Variants in TNC observed in about 807,000 individuals in gnomAD.
TNC encodes the protein tenascin.
In TNC, 109 loss-of-function variants were observed where a neutral mutation model predicts 202.4. That is an observed-to-expected ratio of 0.54 (90% CI 0.46 to 0.63). The LOEUF is 0.63. TNC is among the 30% of genes least tolerant of loss of function. TNC has a pLI of 0.00. For synonymous variants in TNC, 1,007 were observed against 1,089.7 expected (o/e 0.92, Z 1.50); for missense variants, 2,756 against 2,833.3 (o/e 0.97, Z 0.62).
At chr9:115,071,485 C>A (rs1479725505) in intron 10 of TNC, among the ~76,000 whole-genome samples, 1 of 152,182 alleles carries the variant, frequency 6.6e-6, no homozygotes, top group Non-Finnish European at 1.5e-5. Context: ...CTGGTTATAG[C>A]CACATTACCT....
rs1834517862 is a variant in TNC at position 115,084,085 on chromosome 9, A to C, written c.2131+124T>G. 3.8e-6 allele frequency: 4 copies of C among 1,043,712 alleles called. No individual in the cohort carries two copies. In the South Asian group the frequency reaches 6.3e-5, roughly 16 times the overall value. The allele number at this position is 1,043,712 out of a possible 1,614,324, so 64.7% of individuals were successfully genotyped here. ...TAAGTGATTCTATGGACTTAATTCT[A>C]GGCTCTTATTTGGTATAACTGTAAA... is the stretch of plus-strand genomic sequence containing the variant. On this transcript the variant is annotated intron_variant, in intron 4 of 27. Transcript: ENST00000350763.
rs530184593 is a variant in TNC at position 115,082,885 on chromosome 9, C to A, written c.2132-78G>T. Reference sequence around the variant, plus strand: ...GCAACGCGGCCACGATTCCACTAAACCAGACTGGATGTCTGCAACAGTCAG... The same window carrying A: ...GCAACGCGGCCACGATTCCACTAAAACAGACTGGATGTCTGCAACAGTCAG... On this transcript the variant is annotated intron_variant, in intron 4 of 27. Transcript: ENST00000350763. 7.2e-6 allele frequency: 7 copies of A among 966,582 alleles called. No homozygotes were observed. In the South Asian group the frequency reaches 9.6e-5, roughly 13 times the overall value. 59.9% of individuals were successfully genotyped at this position (966,582 alleles called of 1,614,324 possible). A position where few individuals can be genotyped will look rare whatever the true frequency, so the allele number is the denominator to read the frequency against.
chr9:115,083,187 G>A (rs1834436667), intron 4 of TNC, among the ~76,000 whole-genome samples: 1 of 152,106 alleles, frequency 6.6e-6, no homozygotes, highest in South Asian at 2.1e-4. Context: ...TCTTGGGAAT[G>A]CATTGAGGAG....
intron 1 of TNC, among the ~76,000 whole-genome samples, chr9:115,111,203 G>C (rs1395382999): frequency 6.6e-6 from 1 of 152,164 alleles, no homozygotes; most frequent in Admixed American, 6.5e-5. Flanking sequence ...GTGGCAGGCA[G>C]ACTCTAAGGT....
intron 1 of TNC, among the ~76,000 whole-genome samples, chr9:115,098,016 C>T (rs2988578): frequency 0.42 from 64,289 of 151,934 alleles, 13,979 homozygotes; most frequent in Admixed American, 0.51. Flanking sequence ...TATTTAGTCC[C>T]CCATTCTCCA....
At chr9:115,074,459 A>G (rs578174227) in intron 9 of TNC, among the ~76,000 whole-genome samples, 4 of 152,336 alleles carry the variant, frequency 2.6e-5, no homozygotes, top group East Asian at 1.9e-4. Context: ...ATCTGCTGGC[A>G]TCTTGATCTT....
At chr9:115,027,197 A>G (rs868711182) in intron 25 of TNC, among the ~76,000 whole-genome samples, 1 of 152,030 alleles carries the variant, frequency 6.6e-6, no homozygotes, top group Admixed American at 6.5e-5. Context: ...TACTAGGCTC[A>G]GGTAAAATCG....
chr9:115,059,956 C>A lies in TNC; in HGVS notation c.4080G>T (p.Trp1360Cys), dbSNP rs1832420802. 9 of 1,613,922 alleles carry A rather than the reference C, an allele frequency of 5.6e-6. No individual in the cohort carries two copies. The highest frequency in any genetic ancestry group is 5.1e-6 in the Non-Finnish European group (6 of 1,179,990). The change falls in exon 14 of 28, where the codon TGG becomes TGT. Residue 1360 changes from tryptophan (W) to cysteine (C), a missense_variant. Coordinates refer to ENST00000350763, the MANE Select transcript of TNC (RefSeq NM_002160.4). ...LGDLAVSEVG[W>C]DGLRLNWTAA... ...CGGTCCAGTTGAGTCTGAGGCCATC[C>A]CAGCCAACCTCAGACACGGCTAAAT...
chr9:115,068,285 G>A (rs980253499), intron 10 of TNC, among the ~76,000 whole-genome samples: 5 of 152,174 alleles, frequency 3.3e-5, no homozygotes, highest in African/African-American at 1.2e-4. Context: ...ATGTCAGTGG[G>A]CCTGGGAAAT....
Position 115,085,429 on chromosome 9 carries a change from G to A in TNC, c.1867+435C>T, listed in dbSNP as rs147071627. Among the ~76,000 whole-genome samples the A allele has an allele frequency of 1.2e-4, 18 of 152,294 alleles. No homozygotes were observed. The East Asian group carries it at 3.5e-3, about 29-fold the overall frequency. On this transcript the variant is annotated intron_variant, in intron 3 of 27. Coordinates refer to ENST00000350763, the MANE Select transcript of TNC (RefSeq NM_002160.4). ...ATTTTTACATCCATCCAAATACAGA[G>A]ATTTTGTTTACTGTTGGTTTGATGT...
At chr9:115,049,877 G>A (rs1468730162) in intron 15 of TNC, among the ~76,000 whole-genome samples, 2 of 152,158 alleles carry the variant, frequency 1.3e-5, no homozygotes, top group Non-Finnish European at 2.9e-5. Context: ...GTGACTGAAT[G>A]AATAAGGGAA....
At position 115,082,695 on chromosome 9, in the gene TNC, A is replaced by G. The variant is rs747218371; in HGVS notation, c.2244T>C (p.Asn748=). Residue 748 remains asparagine, a synonymous_variant, in exon 5 of 28, where the codon AAT becomes AAC. Coordinates refer to ENST00000350763, the MANE Select transcript of TNC (RefSeq NM_002160.4). Reference sequence around the variant, plus strand: ...TCTGCTCTTTTGTACTCCTTACCATATTCCGGAAGATGATCTCCCAGGTTT... The same window carrying G: ...TCTGCTCTTTTGTACTCCTTACCATGTTCCGGAAGATGATCTCCCAGGTTT... ...AFETWEIIFR[N]MNKEDEGEIT... is the part of the protein sequence containing the mutation. 7 of 1,604,448 alleles carry G rather than the reference A, an allele frequency of 4.4e-6. No individual in the cohort carries two copies. Among genetic ancestry groups the G allele is most frequent in the Middle Eastern group, 1.7e-4 (1 of 6,060 alleles).
At chr9:115,067,224 T>C (rs1007788144) in intron 10 of TNC, among the ~76,000 whole-genome samples, 1 of 152,226 alleles carries the variant, frequency 6.6e-6, no homozygotes, top group Non-Finnish European at 1.5e-5. Flanking sequence ...CTCAAGAGCA[T>C]GTCCTTCTCA....
intron 10 of TNC, 81 bp downstream of exon 10, chr9:115,073,522 C>T: frequency 6.6e-7 from 1 of 1,525,900 alleles, no homozygotes; most frequent in East Asian, 2.3e-5. Context: ...TTGGCTTTCT[C>T]ATGTGAGGAC....
chr9:115,053,095 G>A, intron 15 of TNC: 2 of 645,390 alleles, frequency 3.1e-6, no homozygotes, highest in Non-Finnish European at 5.6e-6. Context: ...TGTAGCCATA[G>A]AACATGAAAG....
intron 27 of TNC, 65 bp from the exon 28 acceptor site, chr9:115,021,332 G>T: frequency 8.5e-7 from 1 of 1,175,648 alleles, no homozygotes; most frequent in Non-Finnish European, 1.2e-6. Flanking sequence ...TTACTGTTAG[G>T]CGAGGTGTTC....
Position 115,069,048 on chromosome 9 carries a change from C to T in TNC, c.3215-4129G>A, listed in dbSNP as rs1014215225. The stretch of plus-strand genomic sequence containing the variant: ...AGCTGTTTCTTTCTCTTCTATACAC[C>T]GGCATCGCCTGACCCACAGTAGGTA... On this transcript the variant is annotated intron_variant, in intron 10 of 27. Transcript: ENST00000350763. 5.3e-5 allele frequency among the ~76,000 whole-genome samples: 8 copies of T among 152,302 alleles called. No individual in the cohort carries two copies. In the South Asian group the frequency reaches 6.2e-4, roughly 12 times the overall value.
At chr9:115,095,522 ATG>A (rs1835624999) in intron 1 of TNC, among the ~76,000 whole-genome samples, 1 of 8,606 alleles carries the variant, frequency 1.2e-4, no homozygotes, top group Non-Finnish European at 2.7e-4. Flanking sequence ...ATGTATATAT[ATG>A]TATATATATA....
chr9:115,035,904 C>T, intron 21 of TNC, 194 bp downstream of exon 21: 1 of 618,076 alleles, frequency 1.6e-6, no homozygotes, highest in East Asian at 2.7e-5. Context: ...AAGGTCATTT[C>T]AGTTCAAAAG....
Sources: allele counts gnomAD v4.1 joint callset (sites outside exome capture counted in the v4.1 genomes callset), GRCh38; gene constraint gnomAD v4.1.1; transcripts MANE v1.5; gene names NCBI Gene and HGNC (gene_info 2026-07-23, HGNC 2026-07-21).